The following CRPPA variants were observed in gnomAD, a reference collection of about 807,000 sequenced individuals.
The protein encoded by CRPPA is CDP-L-ribitol pyrophosphorylase A.
CRPPA carries 43 observed loss-of-function variants against 52.0 expected under a neutral mutation model. The ratio of observed to expected loss-of-function variants is 0.83; its 90% CI spans 0.65 to 1.07. CRPPA has a LOEUF of 1.07. CRPPA is among the 50% of genes least tolerant of loss of function. The pLI is 0.00. For missense variants in CRPPA, 629 were observed against 551.7 expected (o/e 1.14, Z -1.40); for synonymous variants, 250 against 203.5 (o/e 1.23, Z -1.94).
chr7:16,207,900 T>C (rs1381261938), intron 9 of CRPPA, among the ~76,000 whole-genome samples: 3 of 152,334 alleles, frequency 2.0e-5, no homozygotes, highest in African/African-American at 7.2e-5. Context: ...CAACATGTTT[T>C]CCTGAAGACT....
chr7:16,190,494 T>G (rs1279617613), intron 9 of CRPPA, among the ~76,000 whole-genome samples: 1 of 152,184 alleles, frequency 6.6e-6, no homozygotes, highest in African/African-American at 2.4e-5. Context: ...CTTCGCTGTA[T>G]AACTGAAAAT....
intron 9 of CRPPA, among the ~76,000 whole-genome samples, chr7:16,207,554 T>G (rs528663051): frequency 1.3e-5 from 2 of 152,306 alleles, no homozygotes; most frequent in African/African-American, 4.8e-5. Flanking sequence ...GATATCTCCC[T>G]CACTCACATA....
intron 9 of CRPPA, among the ~76,000 whole-genome samples, chr7:16,187,502 T>C (rs1034441309): frequency 1.3e-5 from 2 of 152,212 alleles, no homozygotes; most frequent in Non-Finnish European, 2.9e-5. Context: ...AGTCTAACTT[T>C]TGCTTGTCAA....
chr7:16,378,866 G>A (rs1228108964), intron 2 of CRPPA, among the ~76,000 whole-genome samples: 2 of 152,266 alleles, frequency 1.3e-5, no homozygotes, highest in South Asian at 2.1e-4. Context: ...GGCCAGTGAT[G>A]GTGAGCATTT....
intron 3 of CRPPA, among the ~76,000 whole-genome samples, chr7:16,343,106 A>C (rs773129981): frequency 1.3e-5 from 2 of 152,018 alleles, no homozygotes; most frequent in Non-Finnish European, 2.9e-5. Context: ...AATAAGTTAC[A>C]TTTTACGGGG....
chr7:16,175,676 T>C (rs1345265254), intron 9 of CRPPA, among the ~76,000 whole-genome samples: 3 of 152,192 alleles, frequency 2.0e-5, no homozygotes, highest in African/African-American at 7.2e-5. Flanking sequence ...ATTTCTATGC[T>C]AGTCTACAAA....
At chr7:16,158,343 G>A (rs925994012) in intron 9 of CRPPA, among the ~76,000 whole-genome samples, 1 of 151,846 alleles carries the variant, frequency 6.6e-6, no homozygotes, top group African/African-American at 2.4e-5. Flanking sequence ...CTGTTTCTAG[G>A]AAGTAGGAAC....
At chr7:16,397,260 C>A (rs934183516) in intron 2 of CRPPA, among the ~76,000 whole-genome samples, 1 of 152,174 alleles carries the variant, frequency 6.6e-6, no homozygotes, top group East Asian at 1.9e-4. Context: ...GTACACATGA[C>A]CAACACAACA....
At chr7:16,183,078 C>T (rs1781442991) in intron 9 of CRPPA, among the ~76,000 whole-genome samples, 1 of 152,040 alleles carries the variant, frequency 6.6e-6, no homozygotes, top group South Asian at 2.1e-4. Flanking sequence ...TCTGGGGTAA[C>T]TAAAGACCCC....
intron 9 of CRPPA, among the ~76,000 whole-genome samples, chr7:16,179,112 A>G (rs1208551239): frequency 2.0e-5 from 3 of 152,200 alleles, no homozygotes; most frequent in Admixed American, 6.6e-5. Context: ...GAACTAAAAT[A>G]TTTTTACATA....
chr7:16,158,185 A>C (rs1005231483), intron 9 of CRPPA, among the ~76,000 whole-genome samples: 1 of 151,920 alleles, frequency 6.6e-6, no homozygotes, highest in Non-Finnish European at 1.5e-5. Context: ...TGCCTGGCCA[A>C]ATGTAGATAT....
intron 3 of CRPPA, among the ~76,000 whole-genome samples, chr7:16,366,020 A>G (rs1293227795): frequency 2.0e-5 from 3 of 152,256 alleles, no homozygotes; most frequent in Non-Finnish European, 4.4e-5. Context: ...GTTTATAAAA[A>G]GAATTTATTG....
At chr7:16,413,756 C>A (rs56223703) in intron 1 of CRPPA, among the ~76,000 whole-genome samples, 40,615 of 152,026 alleles carry the variant, frequency 0.27, 5,701 homozygotes, top group South Asian at 0.38. Context: ...AGTTAATATA[C>A]TGAAACACAG....
chr7:16,397,507 CAT>C (rs751119457), intron 2 of CRPPA, among the ~76,000 whole-genome samples: 20 of 152,152 alleles, frequency 1.3e-4, no homozygotes, highest in African/African-American at 2.7e-4. Context: ...TGACACATAA[CAT>C]GTGAACATGT....
intron 3 of CRPPA, among the ~76,000 whole-genome samples, chr7:16,326,982 A>T (rs1176999984): frequency 6.6e-6 from 1 of 152,126 alleles, no homozygotes; most frequent in African/African-American, 2.4e-5. Flanking sequence ...AAAGTAGGAG[A>T]TTGGGTCTTA....
At chr7:16,098,580 A>T (rs778374398) in intron 9 of CRPPA, among the ~76,000 whole-genome samples, 1 of 152,224 alleles carries the variant, frequency 6.6e-6, no homozygotes, top group Non-Finnish European at 1.5e-5. Flanking sequence ...AGCTATATTT[A>T]CATCTAGTCA....
chr7:16,382,679 C>T (rs968581731), intron 2 of CRPPA, among the ~76,000 whole-genome samples: 2 of 152,010 alleles, frequency 1.3e-5, no homozygotes, highest in African/African-American at 4.8e-5. Flanking sequence ...TTCTTGGAGG[C>T]TTTGTTCGTT....
rs112347750 is a variant in CRPPA, at chr7:16,216,400, G to A, written c.1120-203C>T. ...TAAACACAGATGTAGTAAACACTCA[G>A]AGAAAACGAGGTTGAAAAACCAAAT... is the stretch of plus-strand genomic sequence containing the variant. On this transcript the variant is annotated intron_variant, in intron 8 of 9. Transcript: ENST00000407010. The A allele has an allele frequency of 3.0e-4, 114 of 380,098 alleles. 1 individual carries two copies. Among genetic ancestry groups the A allele is most frequent in the African/African-American group, 2.1e-3 (101 of 47,708 alleles). The allele number at this position is 380,098 out of a possible 1,614,324, so 23.5% of individuals were successfully genotyped here.
At chr7:16,236,547 T>G (rs1280940126) in intron 8 of CRPPA, among the ~76,000 whole-genome samples, 6 of 152,104 alleles carry the variant, frequency 3.9e-5, no homozygotes, top group African/African-American at 1.4e-4. Flanking sequence ...TGGCACTGAT[T>G]CCATTAGCTT....
Sources: gnomAD v4.1 joint callset for allele counts (sites outside exome capture counted in the v4.1 genomes callset) on GRCh38, gnomAD v4.1.1 for gene constraint, MANE v1.5 for transcripts, NCBI Gene and HGNC (gene_info 2026-07-23, HGNC 2026-07-21) for gene names.